Variants in CSMD3 observed in about 807,000 individuals in gnomAD.
The protein encoded by CSMD3 is CUB and Sushi multiple domains 3.
A neutral mutation model predicts 435.2 loss-of-function variants in CSMD3; 177 were observed. The ratio of observed to expected loss-of-function variants is 0.41; its 90% CI spans 0.36 to 0.46. The LOEUF is 0.46. Among genes scored for constraint, CSMD3 ranks in the 20% least tolerant of loss-of-function variants. CSMD3 has a pLI of 0.34. For missense variants in CSMD3, 4,265 were observed against 4,504.6 expected (o/e 0.95, Z 1.52); for synonymous variants, 1,656 against 1,520.5 (o/e 1.09, Z -2.07).
chr8:113,157,966 T>A (rs1315688967), intron 4 of CSMD3, among the ~76,000 whole-genome samples: 1 of 152,114 alleles, frequency 6.6e-6, no homozygotes, highest in Non-Finnish European at 1.5e-5. Context: ...CTTTAGGATA[T>A]ACTTATAAAT....
chr8:112,386,717 GCT>G (rs1285592578), intron 36 of CSMD3, among the ~76,000 whole-genome samples: 87 of 151,894 alleles, frequency 5.7e-4, no homozygotes, highest in Non-Finnish European at 8.8e-4. Context: ...CAGGATGGTC[GCT>G]ATCTCCTGAC....
At chr8:113,078,073 GC>G (rs1421973164) in intron 5 of CSMD3, among the ~76,000 whole-genome samples, 1 of 152,044 alleles carries the variant, frequency 6.6e-6, no homozygotes, top group Non-Finnish European at 1.5e-5. Flanking sequence ...GAACATCCTG[GC>G]AAAATCAGGC....
chr8:112,674,510 T>C (rs556263779), intron 16 of CSMD3, among the ~76,000 whole-genome samples: 1 of 152,222 alleles, frequency 6.6e-6, no homozygotes, highest in South Asian at 2.1e-4. Context: ...TAGTTGCCTG[T>C]CTGCTCCCAT....
intron 32 of CSMD3, among the ~76,000 whole-genome samples, chr8:112,471,686 G>T (rs1818538624): frequency 6.6e-6 from 1 of 152,096 alleles, no homozygotes. Context: ...TTATATCTCA[G>T]CAGCAGAAAT....
intron 2 of CSMD3, among the ~76,000 whole-genome samples, chr8:113,304,857 A>G (rs1267111903): frequency 2.6e-3 from 376 of 142,748 alleles, no homozygotes; most frequent in African/African-American, 9.1e-3. Context: ...TGGCACATGT[A>G]TACATATGTA....
At chr8:112,921,011 A>G (rs1026707445) in intron 10 of CSMD3, among the ~76,000 whole-genome samples, 1 of 147,146 alleles carries the variant, frequency 6.8e-6, no homozygotes, top group African/African-American at 2.5e-5. Context: ...ACACACACAC[A>G]CACACACACA....
At chr8:112,435,496 A>G (rs1403883560) in intron 32 of CSMD3, among the ~76,000 whole-genome samples, 1 of 152,074 alleles carries the variant, frequency 6.6e-6, no homozygotes, top group African/African-American at 2.4e-5. Context: ...TGTATGCCAA[A>G]ACTGAAAATA....
chr8:112,358,782 C>T (rs1826888047), intron 38 of CSMD3, among the ~76,000 whole-genome samples: 1 of 152,212 alleles, frequency 6.6e-6, no homozygotes, highest in African/African-American at 2.4e-5. Flanking sequence ...TTATCAGAAG[C>T]ATGAAACCAG....
chr8:112,953,906 A>T (rs1266287263), intron 8 of CSMD3, among the ~76,000 whole-genome samples: 1 of 151,518 alleles, frequency 6.6e-6, no homozygotes, highest in African/African-American at 2.4e-5. Context: ...TATATTAGCA[A>T]TGTTATTTTG....
At chr8:113,434,935 A>T (rs932985812) in intron 1 of CSMD3, among the ~76,000 whole-genome samples, 1 of 151,978 alleles carries the variant, frequency 6.6e-6, no homozygotes, top group Non-Finnish European at 1.5e-5. Context: ...GAAAACTCGC[A>T]CTTAAACCCT....
At chr8:112,931,689 A>T (rs1394894188) in intron 9 of CSMD3, among the ~76,000 whole-genome samples, 1 of 152,150 alleles carries the variant, frequency 6.6e-6, no homozygotes, top group East Asian at 1.9e-4. Flanking sequence ...AATATTTACA[A>T]ATTACTCCTC....
At chr8:113,174,649 GA>G (rs922973770) in intron 3 of CSMD3, among the ~76,000 whole-genome samples, 3 of 151,666 alleles carry the variant, frequency 2.0e-5, no homozygotes, top group Non-Finnish European at 1.5e-5. Flanking sequence ...ATTCAATTCA[GA>G]AAAAATCCAA....
At chr8:112,460,116 C>T (rs1188692666) in intron 32 of CSMD3, among the ~76,000 whole-genome samples, 1 of 152,034 alleles carries the variant, frequency 6.6e-6, no homozygotes, top group East Asian at 1.9e-4. Flanking sequence ...CCACATTCTT[C>T]CTGAATAAAC....
intron 22 of CSMD3, among the ~76,000 whole-genome samples, chr8:112,607,341 A>T (rs1832879554): frequency 6.6e-6 from 1 of 152,038 alleles, no homozygotes; most frequent in Non-Finnish European, 1.5e-5. Flanking sequence ...TTCACTAATT[A>T]AAAATCTCCC....
In CSMD3 at chr8:113,203,484, C is replaced by A. The variant is rs575195367; in HGVS notation, c.515-29568G>T. On this transcript the variant is annotated intron_variant, in intron 3 of 70. Transcript: ENST00000297405. ...ATGGAGCCTCACTTTGTTGTCTAGG[C>A]TGGTCTCAAATTCCTGGGCTCAAGT... Among the ~76,000 whole-genome samples, 4 of 151,788 alleles carry A rather than the reference C, an allele frequency of 2.6e-5. No homozygotes were observed. The South Asian group carries it at 8.3e-4, about 32-fold the overall frequency.
intron 12 of CSMD3, among the ~76,000 whole-genome samples, chr8:112,829,347 A>C (rs1477577391): frequency 1.3e-5 from 2 of 152,194 alleles, no homozygotes; most frequent in Non-Finnish European, 2.9e-5. Context: ...TTTGAGAAGC[A>C]TCAGGTTAGA....
chr8:113,046,445 G>A lies in CSMD3; in HGVS notation c.918-27266C>T, dbSNP rs1337752274. ...TCTCCACAAGAGCAGCCACCCAGGTGTCTCCCTCTGAGAGTTCTGAAGTCC... is the reference window on the plus strand; with the variant it reads ...TCTCCACAAGAGCAGCCACCCAGGTATCTCCCTCTGAGAGTTCTGAAGTCC... On this transcript the variant is annotated intron_variant, in intron 5 of 70. Transcript: ENST00000297405. Among the ~76,000 whole-genome samples, 2 of 133,172 alleles carry A rather than the reference G, an allele frequency of 1.5e-5. 1 individual carries two copies. The highest frequency in any genetic ancestry group is 5.0e-5 in the African/African-American group (2 of 40,132). The allele number at this position is 133,172 out of a possible 152,430, so 87.4% of individuals were successfully genotyped here. A position where few individuals can be genotyped will look rare whatever the true frequency, so the allele number is the denominator to read the frequency against.
At position 112,694,969 on chromosome 8, in the gene CSMD3, C is replaced by T. The variant is rs185869221; in HGVS notation, c.1973-4919G>A. ...TTGTCGGACAGTGTGTGCAGCCCAC[C>T]GAGTGTGAGCCGAAGCAGGGGAAGG... On this transcript the variant is annotated intron_variant, in intron 13 of 70. Coordinates refer to ENST00000297405, the MANE Select transcript of CSMD3 (RefSeq NM_198123.2). Among the ~76,000 whole-genome samples, 17 of 152,188 alleles carry T rather than the reference C, an allele frequency of 1.1e-4. No homozygotes were observed. In the East Asian group the frequency reaches 3.1e-3, roughly 28 times the overall value.
chr8:112,957,099 T>C (rs756998621), intron 7 of CSMD3, among the ~76,000 whole-genome samples: 38 of 152,196 alleles, frequency 2.5e-4, no homozygotes, highest in Non-Finnish European at 5.4e-4. Context: ...ATATTGCAAG[T>C]ATTAATTACA....
Sources: gnomAD v4.1 joint callset for allele counts (sites outside exome capture counted in the v4.1 genomes callset) on GRCh38, gnomAD v4.1.1 for gene constraint, MANE v1.5 for transcripts, NCBI Gene and HGNC (gene_info 2026-07-23, HGNC 2026-07-21) for gene names.